CYP4F2: variants seen among roughly 807,000 people sequenced by gnomAD.
CYP4F2 encodes cytochrome P450 family 4 subfamily F member 2.
A neutral mutation model predicts 58.9 loss-of-function variants in CYP4F2; 58 were observed. That is an observed-to-expected ratio of 0.98 (90% CI 0.80 to 1.23). CYP4F2 has a LOEUF of 1.23. Ranked by LOEUF, CYP4F2 falls within the 50% of genes most tolerant of loss-of-function variation. The pLI, the probability that CYP4F2 is intolerant of heterozygous loss-of-function variation, is 0.00. For missense variants in CYP4F2, 616 were observed against 685.6 expected (o/e 0.90, Z 1.13); for synonymous variants, 287 against 261.1 (o/e 1.10, Z -0.95).
In CYP4F2 at chr19:15,889,478, T is replaced by C; in HGVS notation, c.863A>G (p.Gln288Arg). The stretch of plus-strand genomic sequence containing the variant: ...CAAAGTCTTGGATTTGGCCTTGGCT[T>C]GGAGGAAGTCATCAACACCCTGGCT... ...LPSQGVDDFLQAKAKSKTLDF... is the reference protein window; with the variant it reads ...LPSQGVDDFLRAKAKSKTLDF... Residue 288 changes from glutamine to arginine, a missense_variant, in exon 7 of 13, where the codon CAA becomes CGA. By Grantham distance (43) the Gln-to-Arg change is conservative. Coordinates refer to ENST00000221700, the MANE Select transcript of CYP4F2 (RefSeq NM_001082.5). The C allele has an allele frequency of 6.2e-7, 1 of 1,614,164 alleles. No homozygotes were observed. The highest frequency in any genetic ancestry group is 8.5e-7 in the Non-Finnish European group (1 of 1,180,040).
intron 7 of CYP4F2, among the ~76,000 whole-genome samples, chr19:15,888,755 A>G (rs1221372722): frequency 6.6e-6 from 1 of 152,228 alleles, no homozygotes; most frequent in Non-Finnish European, 1.5e-5. Context: ...GCACAGGCAC[A>G]GACAAAGATA....
intron 9 of CYP4F2, among the ~76,000 whole-genome samples, chr19:15,885,374 G>A (rs998225555): frequency 6.6e-6 from 1 of 152,138 alleles, no homozygotes; most frequent in Admixed American, 6.5e-5. Flanking sequence ...CAGATCCCTG[G>A]GTTGGTTCCT....
At chr19:15,879,004 C>A (rs2089325080) in intron 12 of CYP4F2, 68 bp from the exon 13 acceptor site, 1 of 1,582,144 alleles carries the variant, frequency 6.3e-7, no homozygotes, top group African/African-American at 1.3e-5. Flanking sequence ...AAGCCGGTAA[C>A]CTGGCCTGGG....
At chr19:15,881,666 G>T (rs1044917814) in intron 9 of CYP4F2, among the ~76,000 whole-genome samples, 2 of 152,102 alleles carry the variant, frequency 1.3e-5, no homozygotes, top group African/African-American at 2.4e-5. Flanking sequence ...GGGGTGGCAG[G>T]ATTGTCAAGG....
At chr19:15,895,991 T>TCATC (rs1046881145) in intron 2 of CYP4F2, among the ~76,000 whole-genome samples, 8 of 151,844 alleles carry the variant, frequency 5.3e-5, no homozygotes, top group Non-Finnish European at 5.9e-5. Flanking sequence ...CATCCATCCA[T>TCATC]CATCCATCCA....
chr19:15,897,790 C>G, intron 1 of CYP4F2, 178 bp from the exon 2 acceptor site: 1 of 679,696 alleles, frequency 1.5e-6, no homozygotes, highest in Non-Finnish European at 2.4e-6. Context: ...AAACCAGCAG[C>G]CAAGTGGCCT....
chr19:15,889,969 A>G (rs1425523556), intron 6 of CYP4F2, among the ~76,000 whole-genome samples: 2 of 152,154 alleles, frequency 1.3e-5, no homozygotes, highest in East Asian at 1.9e-4. Flanking sequence ...CCCAGTATAC[A>G]GTCCTGACCC....
At chr19:15,880,636 T>C (rs1321165270) in intron 9 of CYP4F2, among the ~76,000 whole-genome samples, 1 of 149,812 alleles carries the variant, frequency 6.7e-6, no homozygotes, top group Non-Finnish European at 1.5e-5. Flanking sequence ...AAAAAAAAAA[T>C]CAATTTTAAT....
At chr19:15,893,829 A>G in intron 3 of CYP4F2, 1 of 256,010 alleles carries the variant, frequency 3.9e-6, no homozygotes, top group Non-Finnish European at 8.3e-6. Context: ...CATATCCCCA[A>G]AGGTGCACGC....
chr19:15,881,353 C>A (rs950990252), intron 9 of CYP4F2, among the ~76,000 whole-genome samples: 6 of 152,046 alleles, frequency 3.9e-5, no homozygotes, highest in African/African-American at 1.4e-4. Flanking sequence ...CAAATATATA[C>A]ATTTGTGCAC....
At position 15,889,515 on chromosome 19, in the gene CYP4F2, G is replaced by A. The variant is rs61739998; in HGVS notation, c.826C>T (p.Arg276Cys). 99 of 1,614,144 alleles carry A rather than the reference G, an allele frequency of 6.1e-5. 1 individual carries two copies. In the African/African-American group the frequency reaches 1.0e-3, roughly 17 times the overall value. Residue 276 changes from arginine (R) to cysteine (C), a missense_variant, in exon 7 of 13, where the codon CGC becomes TGC. Arg to Cys is a radical substitution (Grantham distance 180, BLOSUM62 -3). Coordinates refer to ENST00000221700, the MANE Select transcript of CYP4F2 (RefSeq NM_001082.5). ...FTDAVIQERR[R>C]TLPSQGVDDF... is the part of the protein sequence containing the mutation. ...TCAACACCCTGGCTAGGGAGAGTGC[G>A]GCGCCGCTCCTGGATGACGGCATCT...
At position 15,879,566 on chromosome 19, in the gene CYP4F2, C is replaced by A. The variant is rs981299122; in HGVS notation, c.1314+38G>T. ...AAAACCCTGCCCCCTCCTCTAGGAG[C>A]CTTGGAATGGACAAAAACAGAGAGA... On this transcript the variant is annotated intron_variant, in intron 11 of 12. Coordinates refer to ENST00000221700, the MANE Select transcript of CYP4F2 (RefSeq NM_001082.5). The A allele has an allele frequency of 6.2e-6, 10 of 1,612,778 alleles. 1 individual carries two copies. In the Admixed American group the frequency reaches 6.7e-5, roughly 11 times the overall value.
chr19:15,895,970 CTCTA>C (rs1443219516), intron 2 of CYP4F2, among the ~76,000 whole-genome samples: 1 of 152,090 alleles, frequency 6.6e-6, no homozygotes, highest in Non-Finnish European at 1.5e-5. Flanking sequence ...ATCCTATCTA[CTCTA>C]TCTACCCATC....
chr19:15,891,639 T>C (rs2089417022), intron 5 of CYP4F2, among the ~76,000 whole-genome samples: 1 of 152,120 alleles, frequency 6.6e-6, no homozygotes, highest in Admixed American at 6.5e-5. Flanking sequence ...CAAAATACAA[T>C]GTGGTGAAAA....
intron 3 of CYP4F2, 55 bp from the exon 4 acceptor site, chr19:15,892,637 G>T: frequency 1.3e-6 from 2 of 1,589,232 alleles, no homozygotes; most frequent in South Asian, 1.2e-5. Flanking sequence ...GAGGGACTTT[G>T]GGGGTGGGTG....
In CYP4F2 at chr19:15,897,541, A is replaced by T; in HGVS notation, c.71T>A (p.Leu24Gln). ...GGCCAGGAGCCAGGAGGCCCCGACCAGCAGGAGGAGCAGCCAAGGGGATGC... is the reference window on the plus strand; with the variant it reads ...GGCCAGGAGCCAGGAGGCCCCGACCTGCAGGAGGAGCAGCCAAGGGGATGC... ...VAASPWLLLL[L>Q]VGASWLLAHV... is the part of the protein sequence containing the mutation. The change falls in exon 2 of 13, where the codon CTG becomes CAG. Residue 24 changes from leucine to glutamine, a missense_variant. Transcript: ENST00000221700. 1 of 1,614,044 alleles carries T rather than the reference A, an allele frequency of 6.2e-7. No individual in the cohort carries two copies. Among genetic ancestry groups the T allele is most frequent in the South Asian group, 1.1e-5 (1 of 91,072 alleles).
intron 7 of CYP4F2, among the ~76,000 whole-genome samples, chr19:15,886,663 G>C (rs1373186312): frequency 6.6e-6 from 1 of 152,156 alleles, no homozygotes; most frequent in African/African-American, 2.4e-5. Flanking sequence ...TCAAAGATTT[G>C]CCCACATTCT....
intron 7 of CYP4F2, chr19:15,886,561 A>C: frequency 2.3e-6 from 1 of 428,524 alleles, no homozygotes. Context: ...GAATATTTTA[A>C]TGAAAAGTTT....
intron 5 of CYP4F2, among the ~76,000 whole-genome samples, chr19:15,891,945 T>C (rs1205750620): frequency 6.6e-6 from 1 of 152,272 alleles, no homozygotes; most frequent in East Asian, 1.9e-4. Context: ...CCCAAAGACT[T>C]ATTAGCAAAC....
Sources: gnomAD v4.1 joint callset for allele counts (sites outside exome capture counted in the v4.1 genomes callset) on GRCh38, gnomAD v4.1.1 for gene constraint, MANE v1.5 for transcripts, NCBI Gene and HGNC (gene_info 2026-07-23, HGNC 2026-07-21) for gene names.